Variants in PER2 observed in about 807,000 individuals in gnomAD.
The protein encoded by PER2 is period circadian regulator 2, also known as period circadian protein homolog 2.
Under a neutral mutation model 121.0 loss-of-function variants are expected in PER2, and 66 were observed. That is an observed-to-expected ratio of 0.55 (90% CI 0.45 to 0.67). The LOEUF is 0.67. PER2 is among the 30% of genes least tolerant of loss of function. The pLI is 0.00. For missense variants in PER2, 1,521 were observed against 1,635.0 expected, an observed-to-expected ratio of 0.93 and a Z score of 1.20; for synonymous variants, 684 against 659.9, an observed-to-expected ratio of 1.04 and a Z score of -0.56.
the PER2 span, among the ~76,000 whole-genome samples, chr2:238,298,103 C>T: frequency 0.45 from 67,897 of 149,482 alleles, 16,004 homozygotes; most frequent in African/African-American, 0.57. Context: ...GGCATGATCT[C>T]GGCTCACTGC....
intron 17 of PER2, 57 bp from the exon 18 acceptor site, chr2:238,255,968 G>C (rs1219186286): frequency 1.3e-6 from 2 of 1,593,866 alleles, no homozygotes; most frequent in African/African-American, 2.7e-5. Context: ...TTATTTTAAG[G>C]CCACACTATA....
Position 238,271,609 on chromosome 2 carries a change from G to A in PER2, c.571-96C>T, listed in dbSNP as rs1696290531. ...CAGGCTGGAGGGAGCCGCCCACCAG[G>A]AGCGTTGGAGGTGGGGGGCTCTCTG... On this transcript the variant is annotated intron_variant, in intron 5 of 22. Transcript: ENST00000254657. 7.7e-6 allele frequency: 7 copies of A among 905,550 alleles called. No homozygotes were observed. The East Asian group carries it at 9.8e-5, about 13-fold the overall frequency. 56.1% of individuals were successfully genotyped at this position (905,550 alleles called of 1,614,324 possible). A position where few individuals can be genotyped will look rare whatever the true frequency, so the allele number is the denominator to read the frequency against.
chr2:238,250,827 G>T, intron 20 of PER2, 84 bp from the exon 21 acceptor site: 1 of 949,860 alleles, frequency 1.1e-6, no homozygotes, highest in Non-Finnish European at 1.7e-6. Flanking sequence ...AAGTCAGAAT[G>T]ATTTGAGAGA....
At position 238,275,877 on chromosome 2, in the gene PER2, A is replaced by G. The variant is rs1334683113; in HGVS notation, c.314T>C (p.Val105Ala). The change falls in exon 4 of 23, where the codon GTG (valine) becomes GCG (alanine). Residue 105 changes from valine (V) to alanine (A), a missense_variant. By Grantham distance (64) the Val-to-Ala change is moderately conservative. Coordinates refer to ENST00000254657, the MANE Select transcript of PER2 (RefSeq NM_022817.3). Reference sequence around the variant, plus strand: ...TTTTATCAGTTCTTTGTGTGTGTCCACTTTCGAAGACTGGTCGCTACTGCA... The same window carrying G: ...TTTTATCAGTTCTTTGTGTGTGTCCGCTTTCGAAGACTGGTCGCTACTGCA... Reference protein sequence around the residue: ...SGCSSDQSSKVDTHKELIKTL... With the variant: ...SGCSSDQSSKADTHKELIKTL... 1.9e-6 allele frequency: 3 copies of G among 1,614,172 alleles called. No individual in the cohort carries two copies. In the Admixed American group the frequency reaches 5.0e-5, roughly 27 times the overall value.
At chr2:238,256,655 C>A (rs767607135) in intron 17 of PER2, among the ~76,000 whole-genome samples, 1 of 152,190 alleles carries the variant, frequency 6.6e-6, no homozygotes, top group Non-Finnish European at 1.5e-5. Flanking sequence ...TAAGATCTTG[C>A]ACCACAATCA....
rs1025938034 is a variant in PER2 at position 238,245,710 on chromosome 2, A to T, written c.*665T>A. On this transcript the variant is annotated 3_prime_UTR_variant, in exon 23 of 23. Transcript: ENST00000254657. ...GATGGAGTTGGCCACACAAACCACT[A>T]GGCTTCTTTAGTCCAGAGCAAATGT... 7.5e-6 allele frequency: 3 copies of T among 398,520 alleles called. No individual in the cohort carries two copies. Among genetic ancestry groups the T allele is most frequent in the Non-Finnish European group, 4.4e-6 (1 of 226,076 alleles). 24.7% of individuals were successfully genotyped at this position (398,520 alleles called of 1,614,324 possible). A position where few individuals can be genotyped will look rare whatever the true frequency, so the allele number is the denominator to read the frequency against.
chr2:238,277,417 T>C (rs1696487863), intron 2 of PER2, among the ~76,000 whole-genome samples: 2 of 152,282 alleles, frequency 1.3e-5, no homozygotes, highest in East Asian at 1.9e-4. Flanking sequence ...TCCTTTTCTA[T>C]AAACTGCCCA....
intron 9 of PER2, among the ~76,000 whole-genome samples, chr2:238,264,605 G>T (rs1444013441): frequency 2.0e-5 from 3 of 152,146 alleles, no homozygotes; most frequent in African/African-American, 7.2e-5. Context: ...GGTGACTACT[G>T]CCAGTGGCCC....
intron 1 of PER2, among the ~76,000 whole-genome samples, chr2:238,281,604 A>G (rs1696631426): frequency 6.6e-6 from 1 of 152,246 alleles, no homozygotes; most frequent in South Asian, 2.1e-4. Context: ...CATTCCCACA[A>G]AGAGAGACAC....
chr2:238,269,335 A>G (rs1202694532), intron 6 of PER2, among the ~76,000 whole-genome samples: 1 of 148,964 alleles, frequency 6.7e-6, no homozygotes, highest in African/African-American at 2.5e-5. Context: ...AACTGAACAC[A>G]CTCACGGTGC....
At chr2:238,297,647 T>C in the PER2 span, among the ~76,000 whole-genome samples, 2 of 152,232 alleles carry the variant, frequency 1.3e-5, no homozygotes, top group South Asian at 2.1e-4. Flanking sequence ...GGACCACATA[T>C]GCTGGAAACA....
chr2:238,270,616 G>A (rs1160596362), intron 6 of PER2, among the ~76,000 whole-genome samples: 1 of 152,246 alleles, frequency 6.6e-6, no homozygotes, highest in Non-Finnish European at 1.5e-5. Flanking sequence ...GCCCTGAGGA[G>A]AGTGGGGGTC....
chr2:238,260,745 C>A, intron 13 of PER2, 83 bp downstream of exon 13: 1 of 1,531,172 alleles, frequency 6.5e-7, no homozygotes, highest in Non-Finnish European at 9.0e-7. Flanking sequence ...TCCTAACTGC[C>A]AAAGGTTGTC....
chr2:238,253,590 G>A lies in PER2; in HGVS notation c.2433C>T (p.Thr811=), dbSNP rs566281173. Reference sequence around the variant, plus strand: ...GGGCGGACACGGGCCCCCCAGATCCGGTGCTCTCAGATGAGTCTCGAGGTT... The same window carrying A: ...GGGCGGACACGGGCCCCCCAGATCCAGTGCTCTCAGATGAGTCTCGAGGTT... The part of the protein sequence containing the change: ...RVKPRDSSES[T]GSGGPVSARP... The change falls in exon 19 of 23, where the codon ACC becomes ACT. Residue 811 remains threonine (T), a synonymous_variant. Transcript: ENST00000254657. This position sits in a 1 kb window ranked among gnomAD's most constrained non-coding sequence, Gnocchi z 5.6. 6.3e-5 allele frequency: 102 copies of A among 1,609,856 alleles called. No homozygotes were observed. The South Asian group carries it at 8.2e-4, about 13-fold the overall frequency.
In PER2 at chr2:238,259,978, AT is replaced by A; in HGVS notation, c.1617del (p.Lys539AsnfsTer65). On this transcript the variant is annotated frameshift_variant, in exon 14 of 23. Transcript: ENST00000254657. LOFTEE classifies it high-confidence loss of function. ...YSHESGEQKK[K>X]SVTEMQTNPP... ...ATATTTTTTTTTTTACCTGTAACGG[AT>A]TTTTTCTTTTGTTCTCCAGATTCAT... 1.4e-6 allele frequency: 2 copies of A among 1,427,502 alleles called. No individual in the cohort carries two copies. Among genetic ancestry groups the A allele is most frequent in the South Asian group, 1.2e-5 (1 of 84,886 alleles). 88.4% of individuals were successfully genotyped at this position (1,427,502 alleles called of 1,614,324 possible). A position where few individuals can be genotyped will look rare whatever the true frequency, so the allele number is the denominator to read the frequency against.
chr2:238,268,841 C>G lies in PER2; in HGVS notation c.824+82G>C, dbSNP rs1696194527. The G allele has an allele frequency of 5.9e-6, 6 of 1,016,784 alleles. No homozygotes were observed. The highest frequency in any genetic ancestry group is 1.6e-6 in the Non-Finnish European group (1 of 638,226). 63.0% of individuals were successfully genotyped at this position (1,016,784 alleles called of 1,614,324 possible). A position where few individuals can be genotyped will look rare whatever the true frequency, so the allele number is the denominator to read the frequency against. ...TGAGTCCCTGCAGGCAGGGATCACG[C>G]CCCCCAGCCTCAAGCGGAGCAGTGC... is the stretch of plus-strand genomic sequence containing the variant. On this transcript the variant is annotated intron_variant, in intron 7 of 22. Coordinates refer to ENST00000254657, the MANE Select transcript of PER2 (RefSeq NM_022817.3). This position sits in a 1 kb window ranked among gnomAD's most constrained non-coding sequence, Gnocchi z 4.0.
intron 1 of PER2, among the ~76,000 whole-genome samples, chr2:238,285,015 A>AGG (rs1696740523): frequency 6.4e-5 from 1 of 15,614 alleles, no homozygotes; most frequent in Admixed American, 8.8e-4. Context: ...CAAGGCGGGT[A>AGG]GGGGGAGGGA....
rs751149258 is a variant in PER2 at position 238,258,637 on chromosome 2, T to C, written c.1635A>G (p.Gln545=). The C allele has an allele frequency of 7.4e-6, 12 of 1,613,926 alleles. No homozygotes were observed. Among genetic ancestry groups the C allele is most frequent in the African/African-American group, 1.3e-5 (1 of 74,944 alleles). The change falls in exon 15 of 23, where the codon CAA becomes CAG. Residue 545 remains glutamine (Q), a synonymous_variant. Transcript: ENST00000254657. ...EQKKKSVTEM[Q]TNPPAEKKAV... is the part of the protein sequence containing the mutation. ...CTTTCTTCTCAGCTGGGGGATTAGT[T>C]TGCATTTCTGAAGGAATGGCAAAAT... is the stretch of plus-strand genomic sequence containing the variant.
chr2:238,251,526 G>A (rs1183633161), intron 20 of PER2, 73 bp downstream of exon 20: 55 of 1,389,892 alleles, frequency 4.0e-5, no homozygotes, highest in Non-Finnish European at 4.7e-5. Context: ...CACAGAGGCC[G>A]GCCTGTGACT....
Sources: allele counts gnomAD v4.1 joint callset (sites outside exome capture counted in the v4.1 genomes callset), GRCh38; gene constraint gnomAD v4.1.1; non-coding constraint Gnocchi (gnomAD v3.1); transcripts MANE v1.5; gene names NCBI Gene and HGNC (gene_info 2026-07-23, HGNC 2026-07-21).